Variants in ST7 observed in about 807,000 individuals in gnomAD.
The protein encoded by ST7 is suppression of tumorigenicity 7, also known as suppressor of tumorigenicity 7 protein.
A neutral mutation model predicts 78.7 loss-of-function variants in ST7; 28 were observed. The ratio of observed to expected loss-of-function variants is 0.36; its 90% CI spans 0.26 to 0.49. ST7 has a LOEUF of 0.49. Ranked by LOEUF, ST7 falls within the 20% of genes least tolerant of loss-of-function variation. The probability of loss-of-function intolerance (pLI) is 0.99; values close to 1 mark genes in which losing one functional copy is unlikely to be tolerated. For missense variants in ST7, 418 were observed against 696.0 expected (o/e 0.60, Z 4.49); for synonymous variants, 247 against 249.6 (o/e 0.99, Z 0.10).
intron 1 of ST7, among the ~76,000 whole-genome samples, chr7:116,961,111 G>C (rs1361739699): frequency 3.3e-5 from 5 of 152,198 alleles, no homozygotes. Flanking sequence ...TCGAAGATCA[G>C]ATAGTTGTAG....
At chr7:116,970,630 C>T (rs975161663) in intron 1 of ST7, among the ~76,000 whole-genome samples, 1 of 152,190 alleles carries the variant, frequency 6.6e-6, no homozygotes, top group African/African-American at 2.4e-5. Context: ...AAAGCCCCAG[C>T]TCCAGGTACC....
chr7:117,153,721 G>A (rs1442341022), intron 9 of ST7, among the ~76,000 whole-genome samples: 2 of 152,192 alleles, frequency 1.3e-5, no homozygotes, highest in African/African-American at 4.8e-5. Context: ...ACTTCAAAGA[G>A]GTGGTTGGCA....
chr7:117,130,340 A>G, intron 4 of ST7, 151 bp from the exon 5 acceptor site: 1 of 493,816 alleles, frequency 2.0e-6, no homozygotes, highest in Non-Finnish European at 3.5e-6. Flanking sequence ...AGGGAGAATA[A>G]GATGATTTTT....
chr7:117,065,761 A>G (rs1798602471), intron 1 of ST7, among the ~76,000 whole-genome samples: 1 of 152,158 alleles, frequency 6.6e-6, no homozygotes, highest in African/African-American at 2.4e-5. Context: ...ATCTTTTTGA[A>G]ATGTAATTCA....
intron 1 of ST7, among the ~76,000 whole-genome samples, chr7:117,010,514 G>T (rs1337479334): frequency 6.6e-6 from 1 of 152,184 alleles, no homozygotes; most frequent in Admixed American, 6.5e-5. Context: ...GGAGTGGGTG[G>T]TAAGAGGCCT....
At chr7:117,097,623 C>A (rs1801155653) in intron 1 of ST7, among the ~76,000 whole-genome samples, 1 of 151,234 alleles carries the variant, frequency 6.6e-6, no homozygotes, top group African/African-American at 2.4e-5. Flanking sequence ...TATGCCTGGC[C>A]TCTGCTGACT....
intron 9 of ST7, among the ~76,000 whole-genome samples, chr7:117,156,867 C>T (rs1806733795): frequency 6.6e-6 from 1 of 152,024 alleles, no homozygotes; most frequent in Admixed American, 6.6e-5. Context: ...TGTGAGATAA[C>T]CGGAGAGCAG....
At chr7:117,061,108 A>C (rs1798328800) in intron 1 of ST7, among the ~76,000 whole-genome samples, 1 of 152,190 alleles carries the variant, frequency 6.6e-6, no homozygotes, top group African/African-American at 2.4e-5. Context: ...AGGTCCTGCC[A>C]TTTTAAAGAC....
chr7:117,122,440 C>T (rs1229019613), intron 3 of ST7, among the ~76,000 whole-genome samples: 1 of 151,754 alleles, frequency 6.6e-6, no homozygotes, highest in Non-Finnish European at 1.5e-5. Context: ...TGGAAATTCT[C>T]ACTTTTGTTT....
chr7:117,208,664 A>G (rs543444599), intron 12 of ST7, among the ~76,000 whole-genome samples: 19 of 152,340 alleles, frequency 1.2e-4, no homozygotes, highest in Non-Finnish European at 1.5e-5. Flanking sequence ...TAGTTGTGCC[A>G]TAGTCTCCAT....
intron 1 of ST7, among the ~76,000 whole-genome samples, chr7:117,080,420 T>C (rs1799683644): frequency 6.6e-6 from 1 of 152,210 alleles, no homozygotes; most frequent in African/African-American, 2.4e-5. Context: ...AATGGCTGCA[T>C]ACTATTCTAT....
chr7:117,138,343 A>T, intron 8 of ST7, 92 bp from the exon 9 acceptor site: 1 of 689,084 alleles, frequency 1.5e-6, no homozygotes, highest in Non-Finnish European at 2.4e-6. Flanking sequence ...CAAAGTTGTC[A>T]GTGCTATGAA....
At chr7:117,050,011 C>T (rs1797691011) in intron 1 of ST7, among the ~76,000 whole-genome samples, 1 of 151,162 alleles carries the variant, frequency 6.6e-6, no homozygotes, top group African/African-American at 2.4e-5. Context: ...TTGAGACCAT[C>T]CCGGCTAACA....
intron 1 of ST7, among the ~76,000 whole-genome samples, chr7:117,038,896 A>G (rs767393839): frequency 6.6e-6 from 1 of 152,142 alleles, no homozygotes; most frequent in Non-Finnish European, 1.5e-5. Flanking sequence ...TTCTCTTAAT[A>G]TGTCTTACAG....
At chr7:116,956,294 G>C (rs1792476251) in intron 1 of ST7, 1 of 334,536 alleles carries the variant, frequency 3.0e-6, no homozygotes, top group African/African-American at 2.2e-5. Flanking sequence ...TATTGGCAAG[G>C]AAGGCCCAGG....
chr7:117,211,405 G>A (rs1341188489), intron 13 of ST7, among the ~76,000 whole-genome samples: 6 of 152,134 alleles, frequency 3.9e-5, no homozygotes, highest in Non-Finnish European at 8.8e-5. Flanking sequence ...TATGTAAGAT[G>A]TTCTATCAGA....
chr7:117,102,033 T>G (rs77761877), intron 2 of ST7, among the ~76,000 whole-genome samples: 11,610 of 152,242 alleles, frequency 0.076, 520 homozygotes, highest in Middle Eastern at 0.15. Context: ...TTTAGAGATA[T>G]GAGAAAAATA....
intron 1 of ST7, among the ~76,000 whole-genome samples, chr7:117,050,719 A>C (rs1260754953): frequency 6.6e-6 from 1 of 152,154 alleles, no homozygotes; most frequent in Non-Finnish European, 1.5e-5. Context: ...TCACGAGGTC[A>C]AGAGATCTAG....
chr7:117,035,041 A>G (rs534123225), intron 1 of ST7, among the ~76,000 whole-genome samples: 74 of 152,112 alleles, frequency 4.9e-4, no homozygotes, highest in Non-Finnish European at 7.8e-4. Flanking sequence ...CGCAACATGA[A>G]TAATTTTCCT....
Sources: allele counts gnomAD v4.1 joint callset (sites outside exome capture counted in the v4.1 genomes callset), GRCh38; gene constraint gnomAD v4.1.1; transcripts MANE v1.5; gene names NCBI Gene and HGNC (gene_info 2026-07-23, HGNC 2026-07-21).